BTBD2: variants seen among roughly 807,000 people sequenced by gnomAD.
The protein encoded by BTBD2 is BTB domain containing 2.
A neutral mutation model predicts 44.0 loss-of-function variants in BTBD2; 15 were observed. That is an observed-to-expected ratio of 0.34 (90% CI 0.23 to 0.53). The LOEUF (loss-of-function observed/expected upper bound fraction) is 0.53. Among genes scored for constraint, BTBD2 ranks in the 20% least tolerant of loss-of-function variants. The probability of loss-of-function intolerance (pLI) is 0.95; values close to 1 mark genes in which losing one functional copy is unlikely to be tolerated. For missense variants in BTBD2, 657 were observed against 746.4 expected (o/e 0.88, Z 1.39); for synonymous variants, 443 against 335.9 (o/e 1.32, Z -3.49).
chr19:1,998,342 C>T (rs550718163), intron 1 of BTBD2, among the ~76,000 whole-genome samples: 4 of 152,310 alleles, frequency 2.6e-5, no homozygotes, highest in South Asian at 4.1e-4. Context: ...CCATCAGGAA[C>T]GCAAGGCCCA....
chr19:2,005,314 C>T (rs982008462), intron 1 of BTBD2, among the ~76,000 whole-genome samples: 5 of 151,644 alleles, frequency 3.3e-5, no homozygotes, highest in African/African-American at 1.2e-4. Flanking sequence ...ATGACCCTGA[C>T]GTTTAACATT....
chr19:1,989,630 C>T (rs1055992873), intron 5 of BTBD2: 1 of 307,964 alleles, frequency 3.2e-6, no homozygotes, highest in Admixed American at 4.7e-5. Flanking sequence ...CCAAGGCCCA[C>T]TCGGGCGCAT....
chr19:1,986,503 G>A lies in BTBD2; in HGVS notation c.1563C>T (p.Val521=). ...TSVEDGQIPE[V]IFYT ...GTCGGGCAGCCTAGGTGTAGAAGAT[G>A]ACCTCGGGGATCTGGCCGTCCTCCA... Residue 521 remains valine, a synonymous_variant, in exon 9 of 9, where the codon GTC becomes GTT. Transcript: ENST00000255608. The A allele has an allele frequency of 5.0e-6, 8 of 1,613,874 alleles. No homozygotes were observed. The highest frequency in any genetic ancestry group is 1.1e-5 in the South Asian group (1 of 91,076).
At chr19:2,001,971 C>T (rs1011779940) in intron 1 of BTBD2, among the ~76,000 whole-genome samples, 1 of 152,152 alleles carries the variant, frequency 6.6e-6, no homozygotes, top group Non-Finnish European at 1.5e-5. Flanking sequence ...GAACTCCTGA[C>T]GTCAGATGAT....
At chr19:2,008,381 C>A (rs2016421393) in intron 1 of BTBD2, among the ~76,000 whole-genome samples, 1 of 151,544 alleles carries the variant, frequency 6.6e-6, no homozygotes, top group African/African-American at 2.4e-5. Context: ...ATCACCACAA[C>A]CTCTGCCACC....
In BTBD2 at chr19:2,015,647, G is replaced by T; in HGVS notation, c.57C>A (p.Gly19=). 1.8e-5 allele frequency: 18 copies of T among 996,912 alleles called. No homozygotes were observed. Among genetic ancestry groups the T allele is most frequent in the Non-Finnish European group, 2.1e-5 (18 of 840,376 alleles). 61.8% of individuals were successfully genotyped at this position (996,912 alleles called of 1,614,324 possible). A position where few individuals can be genotyped will look rare whatever the true frequency, so the allele number is the denominator to read the frequency against. ...GCCCGGGACTGCCCCCCGTGCCCGG[G>T]CCGACCCCGACCCCCGGCGGGCACG... ...RASCPPGVGV[G]PGTGGSPGPS... Residue 19 remains glycine, a synonymous_variant, in exon 1 of 9, where the codon GGC becomes GGA. Transcript: ENST00000255608.
Position 2,015,437 on chromosome 19 carries a change from C to T in BTBD2, c.267G>A (p.Gln89=). The part of the protein sequence containing the change: ...EAAGPGAAAL[Q]REAAYNWQAS... ...CCTGCCAGTTGTACGCGGCCTCGCG[C>T]TGCAGCGCCGCCGCCCCCGGGCCCG... is the stretch of plus-strand genomic sequence containing the variant. The change falls in exon 1 of 9, where the codon CAG becomes CAA. Residue 89 remains glutamine (Q), a synonymous_variant. Coordinates refer to ENST00000255608, the MANE Select transcript of BTBD2 (RefSeq NM_017797.4). 1.4e-6 allele frequency: 2 copies of T among 1,458,766 alleles called. No individual in the cohort carries two copies. Among genetic ancestry groups the T allele is most frequent in the Non-Finnish European group, 1.8e-6 (2 of 1,107,150 alleles). 90.4% of individuals were successfully genotyped at this position (1,458,766 alleles called of 1,614,324 possible). A position where few individuals can be genotyped will look rare whatever the true frequency, so the allele number is the denominator to read the frequency against.
At chr19:1,990,897 C>A (rs999125338) in intron 3 of BTBD2, 75 bp from the exon 4 acceptor site, 1 of 1,340,078 alleles carries the variant, frequency 7.5e-7, no homozygotes, top group Non-Finnish European at 1.0e-6. Flanking sequence ...AGTGCGGGGC[C>A]GGTTCAAATG....
intron 5 of BTBD2, 135 bp from the exon 6 acceptor site, chr19:1,987,827 G>C (rs577995907): frequency 1.1e-5 from 10 of 891,036 alleles, no homozygotes; most frequent in Non-Finnish European, 1.5e-5. Flanking sequence ...GCCCCTCCCC[G>C]GGGGACTAGC....
rs1169648898 is a variant in BTBD2, at chr19:1,986,170, C to T, written c.*318G>A. On this transcript the variant is annotated 3_prime_UTR_variant, in exon 9 of 9. Coordinates refer to ENST00000255608, the MANE Select transcript of BTBD2 (RefSeq NM_017797.4). Reference sequence around the variant, plus strand: ...CCCGCGGCGCACCGCCGGCAGACGACGTGGGCAGGCGCCCTGAGCTGCGGG... The same window carrying T: ...CCCGCGGCGCACCGCCGGCAGACGATGTGGGCAGGCGCCCTGAGCTGCGGG... 3.2e-5 allele frequency: 12 copies of T among 380,214 alleles called. No individual in the cohort carries two copies. Among genetic ancestry groups the T allele is most frequent in the South Asian group, 2.1e-4 (5 of 23,584 alleles). 23.6% of individuals were successfully genotyped at this position (380,214 alleles called of 1,614,324 possible).
At chr19:2,008,608 T>TA (rs2016424850) in intron 1 of BTBD2, among the ~76,000 whole-genome samples, 1 of 149,018 alleles carries the variant, frequency 6.7e-6, no homozygotes, top group African/African-American at 2.5e-5. Context: ...TTTTTTTTTT[T>TA]AGGGACAGAG....
chr19:2,003,418 G>A (rs1406579462), intron 1 of BTBD2: 1 of 151,972 alleles, frequency 6.6e-6, no homozygotes, highest in Non-Finnish European at 1.5e-5. Flanking sequence ...AGGTCGCAGT[G>A]AGCCAAGATT....
intron 2 of BTBD2, among the ~76,000 whole-genome samples, chr19:1,997,028 A>C (rs563574632): frequency 6.6e-6 from 1 of 151,982 alleles, no homozygotes; most frequent in East Asian, 1.9e-4. Context: ...AAATACAAAA[A>C]AATTAGCCGG....
rs1453046642 is a variant in BTBD2, at chr19:1,986,563, A to C, written c.1503T>G (p.Phe501Leu). The stretch of plus-strand genomic sequence containing the variant: ...CATTGTTGTTCCCGGCCGCGTAGCA[A>C]AAGGTGAAGCAGGTCTTGGCGCCCG... ...PTTGAKTCFT[F>L]CYAAGNNNGT... Residue 501 changes from phenylalanine to leucine, a missense_variant, in exon 9 of 9, where the codon TTT becomes TTG. Around this residue, in one of 3 missense-constraint regions of BTBD2, gnomAD observed 449 missense variants for 510.9 expected, o/e 0.88. Coordinates refer to ENST00000255608, the MANE Select transcript of BTBD2 (RefSeq NM_017797.4). 1 of 1,614,052 alleles carries C rather than the reference A, an allele frequency of 6.2e-7. No homozygotes were observed. The highest frequency in any genetic ancestry group is 1.7e-5 in the Admixed American group (1 of 60,022).
chr19:2,015,137 G>A (rs914519006), intron 1 of BTBD2, among the ~76,000 whole-genome samples, 160 bp downstream of exon 1: 1 of 148,540 alleles, frequency 6.7e-6, no homozygotes, highest in African/African-American at 2.5e-5. Flanking sequence ...GGAGCCTGAG[G>A]ATGCAGGGGT....
Position 1,987,260 on chromosome 19 carries a change from TGGCAGATGACA to T in BTBD2, c.1182-18_1182-8del. The T allele has an allele frequency of 6.2e-7, 1 of 1,613,640 alleles. No homozygotes were observed. Among genetic ancestry groups the T allele is most frequent in the Non-Finnish European group, 8.5e-7 (1 of 1,179,776 alleles). ...GCGCTTGTTGACTGAGAACCTGCCG[TGGCAGATGACA>T]GGCAGCAGCGTGGATACCCAGGGAT... On this transcript the variant is annotated splice_polypyrimidine_tract_variant and splice_region_variant and intron_variant, in intron 6 of 8. Coordinates refer to ENST00000255608, the MANE Select transcript of BTBD2 (RefSeq NM_017797.4).
intron 1 of BTBD2, among the ~76,000 whole-genome samples, chr19:2,006,792 G>A (rs570484713): frequency 1.7e-3 from 258 of 152,014 alleles, no homozygotes; most frequent in African/African-American, 6.1e-3. Flanking sequence ...AGATTCAAGC[G>A]ATTCTCCTGC....
rs143254981 is a variant in BTBD2, at chr19:1,999,743, C to G, written c.408-2280G>C. ...TGGGAGGCCAAGGCAGGCAAATCAC[C>G]TGGGGTCAGGAGTTGGGAGACCAGC... On this transcript the variant is annotated intron_variant, in intron 1 of 8. Coordinates refer to ENST00000255608, the MANE Select transcript of BTBD2 (RefSeq NM_017797.4). Among the ~76,000 whole-genome samples the G allele has an allele frequency of 2.4e-3, 358 of 151,790 alleles. 1 individual carries two copies. Among genetic ancestry groups the G allele is most frequent in the African/African-American group, 8.2e-3 (337 of 41,274 alleles).
chr19:2,015,366 T>A lies in BTBD2; in HGVS notation c.338A>T (p.Asn113Ile). The change falls in exon 1 of 9, where the codon AAC (asparagine) becomes ATC (isoleucine). Residue 113 changes from asparagine to isoleucine, a missense_variant. Transcript: ENST00000255608. Reference sequence around the variant, plus strand: ...GAAGTGCACGTCGCACAGCACCTCGTTGTTGAAGAGGAAGGCGAAGCGCTC... The same window carrying A: ...GAAGTGCACGTCGCACAGCACCTCGATGTTGAAGAGGAAGGCGAAGCGCTC... ...VQERFAFLFNNEVLCDVHFLV... is the reference protein window; with the variant it reads ...VQERFAFLFNIEVLCDVHFLV... 1.3e-6 allele frequency: 2 copies of A among 1,585,092 alleles called. No homozygotes were observed. Among genetic ancestry groups the A allele is most frequent in the Non-Finnish European group, 8.5e-7 (1 of 1,173,042 alleles).
Sources: allele counts gnomAD v4.1 joint callset (sites outside exome capture counted in the v4.1 genomes callset), GRCh38; gene constraint gnomAD v4.1.1; regional missense constraint gnomAD v4.1.1; transcripts MANE v1.5; gene names NCBI Gene and HGNC (gene_info 2026-07-23, HGNC 2026-07-21).